The following CYRIB variants were observed in gnomAD, a reference collection of about 807,000 sequenced individuals.
CYRIB encodes CYFIP related Rac1 interactor B, also known as CYFIP-related Rac1 interactor B.
CYRIB carries 8 observed loss-of-function variants against 44.2 expected under a neutral mutation model. The observed-to-expected ratio is 0.18, with a 90% CI of 0.11 to 0.33. The LOEUF (loss-of-function observed/expected upper bound fraction) is 0.33, where lower values mean the gene tolerates loss of function less well. Among genes scored for constraint, CYRIB ranks in the 10% least tolerant of loss-of-function variants. The pLI, the probability that CYRIB is intolerant of heterozygous loss-of-function variation, is 1.00. For synonymous variants in CYRIB, 131 were observed against 127.2 expected, an observed-to-expected ratio of 1.03 and a Z score of -0.20; for missense variants, 185 against 382.8, an observed-to-expected ratio of 0.48 and a Z score of 4.31.
At chr8:129,984,900 G>A (rs781197106) in intron 1 of CYRIB, among the ~76,000 whole-genome samples, 9 of 152,040 alleles carry the variant, frequency 5.9e-5, no homozygotes, top group Non-Finnish European at 8.8e-5. Context: ...TCAGCCTCCC[G>A]AGTAGCTGGG....
At chr8:130,012,276 A>G (rs2097241983) in intron 1 of CYRIB, among the ~76,000 whole-genome samples, 1 of 152,210 alleles carries the variant, frequency 6.6e-6, no homozygotes, top group Non-Finnish European at 1.5e-5. Context: ...GCTCTGGTAC[A>G]ATTATCTTTC....
chr8:129,943,803 G>T (rs1420169228), upstream of CYRIB, among the ~76,000 whole-genome samples: 1 of 149,790 alleles, frequency 6.7e-6, no homozygotes, highest in Non-Finnish European at 1.5e-5. Flanking sequence ...GTTTCACCGT[G>T]TTAGCCAGGA....
At chr8:129,931,949 T>C (rs2091557474) in intron 1 of CYRIB, among the ~76,000 whole-genome samples, 1 of 151,908 alleles carries the variant, frequency 6.6e-6, no homozygotes, top group Non-Finnish European at 1.5e-5. Context: ...TCAGATTTAA[T>C]GAGGTATAAT....
chr8:129,846,017 A>G (rs912020939), intron 11 of CYRIB, among the ~76,000 whole-genome samples: 3 of 152,074 alleles, frequency 2.0e-5, no homozygotes, highest in Non-Finnish European at 2.9e-5. Context: ...CTGTGATCCC[A>G]GCTACTCGGG....
At chr8:129,962,151 G>A (rs182701510) in intron 2 of CYRIB, among the ~76,000 whole-genome samples, 19 of 152,072 alleles carry the variant, frequency 1.2e-4, no homozygotes, top group African/African-American at 4.3e-4. Flanking sequence ...GGGAGGCTGA[G>A]GTGGATCACC....
chr8:129,855,891 A>C, intron 5 of CYRIB, 144 bp from the exon 8 acceptor site: 1 of 751,686 alleles, frequency 1.3e-6, no homozygotes. Flanking sequence ...AAACTAATTA[A>C]GAAGTTTAAA....
chr8:129,985,674 A>G (rs1194065247), intron 1 of CYRIB, among the ~76,000 whole-genome samples: 1 of 152,170 alleles, frequency 6.6e-6, no homozygotes. Flanking sequence ...GAGCAAATAG[A>G]GTGAGTGTGG....
chr8:129,928,311 C>T (rs1454760010), intron 1 of CYRIB, among the ~76,000 whole-genome samples: 1 of 148,680 alleles, frequency 6.7e-6, no homozygotes, highest in Non-Finnish European at 1.5e-5. Context: ...CGACTCTGAA[C>T]CCCATCTCTT....
Position 129,847,235 on chromosome 8 carries a change from G to A in CYRIB, c.841-361C>T, listed in dbSNP as rs190866530. 2.2e-3 allele frequency: 368 copies of A among 170,516 alleles called. 1 individual carries two copies. The highest frequency in any genetic ancestry group is 8.7e-3 in the African/African-American group (364 of 41,718). The allele number at this position is 170,516 out of a possible 1,614,324, so 10.6% of individuals were successfully genotyped here. Reference sequence around the variant, plus strand: ...TTCCAACACTTTGGGAGGCTGAGGCGGGCGGATCACAAGGTCAGGAGTTCG... The same window carrying A: ...TTCCAACACTTTGGGAGGCTGAGGCAGGCGGATCACAAGGTCAGGAGTTCG... On this transcript the variant is annotated intron_variant, in intron 10 of 11. Coordinates refer to ENST00000519824, the Ensembl canonical transcript of CYRIB.
chr8:130,000,872 A>T (rs2133880709), intron 1 of CYRIB, among the ~76,000 whole-genome samples: 1 of 150,814 alleles, frequency 6.6e-6, no homozygotes, highest in East Asian at 1.9e-4. Context: ...TGTTTCTAAA[A>T]GAAAAAAAAA....
chr8:129,940,314 C>G (rs922352039), upstream of CYRIB, among the ~76,000 whole-genome samples: 1 of 152,216 alleles, frequency 6.6e-6, no homozygotes, highest in African/African-American at 2.4e-5. Context: ...TACTGAGCCT[C>G]GCCCGCGATT....
At chr8:129,902,775 G>A (rs1589213929) in intron 2 of CYRIB, among the ~76,000 whole-genome samples, 1 of 152,018 alleles carries the variant, frequency 6.6e-6, no homozygotes, top group African/African-American at 2.4e-5. Context: ...TTAATAACTT[G>A]TTATAATTAA....
At chr8:129,903,475 C>G (rs2073445251) in intron 1 of CYRIB, 125 bp from the exon 4 acceptor site, 1 of 152,340 alleles carries the variant, frequency 6.6e-6, no homozygotes, top group African/African-American at 2.4e-5. Context: ...TATACATACA[C>G]ACATATATTT....
intron 6 of CYRIB, among the ~76,000 whole-genome samples, chr8:129,855,273 C>G (rs1348869978): frequency 1.3e-5 from 2 of 151,966 alleles, no homozygotes; most frequent in African/African-American, 4.8e-5. Flanking sequence ...TGCCTGTAAT[C>G]CCAGCTACTT....
intron 11 of CYRIB, among the ~76,000 whole-genome samples, chr8:129,845,828 A>G (rs1240103144): frequency 1.3e-5 from 2 of 152,216 alleles, no homozygotes; most frequent in African/African-American, 2.4e-5. Flanking sequence ...CAAATGTTAT[A>G]AAGTATCGAG....
At chr8:129,980,709 CA>C (rs1447364307) in intron 1 of CYRIB, among the ~76,000 whole-genome samples, 1 of 151,436 alleles carries the variant, frequency 6.6e-6, no homozygotes, top group Non-Finnish European at 1.5e-5. Context: ...AGGTCAGGCA[CA>C]GTGGCTCACG....
chr8:129,874,253 G>A (rs2058378177), intron 3 of CYRIB, among the ~76,000 whole-genome samples: 1 of 151,908 alleles, frequency 6.6e-6, no homozygotes, highest in Non-Finnish European at 1.5e-5. Flanking sequence ...TACTCATCAA[G>A]CTTAGTTTTT....
intron 1 of CYRIB, among the ~76,000 whole-genome samples, chr8:129,991,943 C>G (rs1483917063): frequency 5.2e-5 from 1 of 19,198 alleles, no homozygotes; most frequent in Non-Finnish European, 9.8e-5. Context: ...AGCAGAGTCG[C>G]AAAAAAAAAA....
At chr8:129,852,408 T>C in intron 7 of CYRIB, 130 bp from the exon 10 acceptor site, 1 of 428,952 alleles carries the variant, frequency 2.3e-6, no homozygotes, top group Non-Finnish European at 4.1e-6. Flanking sequence ...AATACTCAAA[T>C]ATTCTTTTTA....
Sources: allele counts gnomAD v4.1 joint callset (sites outside exome capture counted in the v4.1 genomes callset), GRCh38; gene constraint gnomAD v4.1.1; transcripts MANE v1.5; gene names NCBI Gene and HGNC (gene_info 2026-07-23, HGNC 2026-07-21).